The following MRTFB variants were observed in gnomAD, a reference collection of about 807,000 sequenced individuals.
MRTFB encodes myocardin-related transcription factor B.
A neutral mutation model predicts 104.2 loss-of-function variants in MRTFB; 29 were observed. The observed-to-expected ratio is 0.28, with a 90% CI of 0.21 to 0.38. The LOEUF is 0.38. Ranked by LOEUF, MRTFB falls within the 10% of genes least tolerant of loss-of-function variation. The pLI is 1.00. For synonymous variants in MRTFB, 535 were observed against 519.5 expected (o/e 1.03, Z -0.41); for missense variants, 1,270 against 1,341.6 (o/e 0.95, Z 0.83).
chr16:14,000,287 G>A, the MRTFB span, among the ~76,000 whole-genome samples: 1 of 152,248 alleles, frequency 6.6e-6, no homozygotes, highest in African/African-American at 2.4e-5. Flanking sequence ...CCAGCCCCCG[G>A]CGGGGGAGGA....
At chr16:14,054,469 A>G in the MRTFB span, among the ~76,000 whole-genome samples, 1 of 152,122 alleles carries the variant, frequency 6.6e-6, no homozygotes, top group African/African-American at 2.4e-5. Flanking sequence ...CACCGTCCTC[A>G]GCCTTCCAAA....
chr16:14,007,073 C>T, the MRTFB span, among the ~76,000 whole-genome samples: 1 of 152,120 alleles, frequency 6.6e-6, no homozygotes, highest in African/African-American at 2.4e-5. Flanking sequence ...AATTCGTACA[C>T]CGTACAAGTC....
intron 2 of MRTFB, among the ~76,000 whole-genome samples, chr16:14,135,564 T>A (rs1033283898): frequency 2.0e-5 from 3 of 152,208 alleles, no homozygotes; most frequent in Non-Finnish European, 2.9e-5. Flanking sequence ...CAAAACGAAA[T>A]CATCTAACAA....
chr16:14,115,552 G>T (rs1427376582), intron 2 of MRTFB, among the ~76,000 whole-genome samples: 2 of 152,134 alleles, frequency 1.3e-5, no homozygotes, highest in Non-Finnish European at 2.9e-5. Context: ...AAACTCTGCG[G>T]CCCAGCTACA....
At chr16:14,209,991 A>G (rs1271270129) in intron 3 of MRTFB, among the ~76,000 whole-genome samples, 1 of 152,246 alleles carries the variant, frequency 6.6e-6, no homozygotes, top group Non-Finnish European at 1.5e-5. Context: ...TAAACAACAA[A>G]TACATAGCTT....
chr16:14,091,511 G>A (rs370314594), intron 2 of MRTFB, among the ~76,000 whole-genome samples: 4 of 152,090 alleles, frequency 2.6e-5, no homozygotes, highest in Admixed American at 1.3e-4. Context: ...GGCACTCTTG[G>A]CCTTGGGAGT....
chr16:14,061,296 ATACT>A, the MRTFB span, among the ~76,000 whole-genome samples: 1 of 152,158 alleles, frequency 6.6e-6, no homozygotes, highest in Non-Finnish European at 1.5e-5. Context: ...CCCAGAAGAG[ATACT>A]TACTCTCTCC....
chr16:14,039,803 C>T, the MRTFB span, among the ~76,000 whole-genome samples: 6 of 141,628 alleles, frequency 4.2e-5, no homozygotes, highest in Non-Finnish European at 9.0e-5. Flanking sequence ...GGCTGGAGTG[C>T]AATGACGCAA....
At chr16:14,212,532 C>A in intron 5 of MRTFB, 123 bp downstream of exon 5, 1 of 836,100 alleles carries the variant, frequency 1.2e-6, no homozygotes. Context: ...AGTGTATTTT[C>A]AGGATACATG....
the MRTFB span, among the ~76,000 whole-genome samples, chr16:14,057,789 T>C: frequency 2.0e-5 from 3 of 152,354 alleles, no homozygotes; most frequent in South Asian, 4.1e-4. Flanking sequence ...CAAGGCAAGA[T>C]TGGCTCACTC....
intron 3 of MRTFB, chr16:14,200,423 A>G (rs972071717): frequency 1.9e-6 from 3 of 1,608,784 alleles, no homozygotes; most frequent in Non-Finnish European, 2.6e-6. Flanking sequence ...AGAGGAGACG[A>G]CTAATAGACC....
the MRTFB span, among the ~76,000 whole-genome samples, chr16:14,012,452 C>G: frequency 6.6e-6 from 1 of 151,758 alleles, no homozygotes; most frequent in South Asian, 2.1e-4. Flanking sequence ...GCACCTGCCA[C>G]CACGCCTGGC....
At chr16:14,170,818 A>T (rs934105287) in intron 3 of MRTFB, among the ~76,000 whole-genome samples, 1 of 152,194 alleles carries the variant, frequency 6.6e-6, no homozygotes, top group East Asian at 1.9e-4. Flanking sequence ...AAAGTATTTT[A>T]CAGTATTCTG....
At chr16:14,203,867 C>T (rs1178195514) in intron 3 of MRTFB, among the ~76,000 whole-genome samples, 3 of 140,636 alleles carry the variant, frequency 2.1e-5, no homozygotes, top group Non-Finnish European at 4.6e-5. Flanking sequence ...AGAGGAAAGA[C>T]ATATCTTGGT....
At position 14,243,910 on chromosome 16, in the gene MRTFB, A is replaced by G. The variant is rs540198639; in HGVS notation, c.1080-1618A>G. Among the ~76,000 whole-genome samples, 3 of 137,212 alleles carry G rather than the reference A, an allele frequency of 2.2e-5. No individual in the cohort carries two copies. The South Asian group carries it at 6.8e-4, about 31-fold the overall frequency. 90.0% of individuals were successfully genotyped at this position (137,212 alleles called of 152,430 possible). On this transcript the variant is annotated intron_variant, in intron 10 of 16. Transcript: ENST00000571589. ...AGTCTCACTCTGTCGCCCAGGCTGG[A>G]GTGCAGTGGTGCAATCTCGGCTCAC...
chr16:14,036,703 A>G, the MRTFB span, among the ~76,000 whole-genome samples: 1 of 151,716 alleles, frequency 6.6e-6, no homozygotes, highest in Non-Finnish European at 1.5e-5. Flanking sequence ...ACCTATGTCT[A>G]TCATAGTCCA....
chr16:14,224,598 T>G (rs549564758), intron 8 of MRTFB, among the ~76,000 whole-genome samples: 34 of 151,238 alleles, frequency 2.2e-4, no homozygotes, highest in Non-Finnish European at 4.0e-4. Context: ...GAAAAGTGAC[T>G]GGTCACCTAC....
rs759519688 is a variant in MRTFB at position 14,245,669 on chromosome 16, T to C, written c.1212+9T>C. ...GCCTGGATGACTTAAAGGTGACAAT[T>C]GCAACTGGAGCTTATTCACCCCTAA... On this transcript the variant is annotated intron_variant, in intron 11 of 16. Transcript: ENST00000571589. The C allele has an allele frequency of 6.2e-7, 1 of 1,604,852 alleles. No individual in the cohort carries two copies. The highest frequency in any genetic ancestry group is 1.7e-5 in the Admixed American group (1 of 57,382).
chr16:14,029,361 G>A, the MRTFB span, among the ~76,000 whole-genome samples: 2 of 143,032 alleles, frequency 1.4e-5, no homozygotes, highest in Admixed American at 1.4e-4. Context: ...AGCCAAGATC[G>A]AGATATTACA....
Sources: allele counts gnomAD v4.1 joint callset (sites outside exome capture counted in the v4.1 genomes callset), GRCh38; gene constraint gnomAD v4.1.1; transcripts MANE v1.5; gene names NCBI Gene and HGNC (gene_info 2026-07-23, HGNC 2026-07-21).